PACS1: variants seen among roughly 807,000 people sequenced by gnomAD.
PACS1 encodes PACS-1.
In PACS1, 24 loss-of-function variants were observed where a neutral mutation model predicts 115.0. The observed-to-expected ratio is 0.21, with a 90% CI of 0.15 to 0.29. The LOEUF (loss-of-function observed/expected upper bound fraction) is 0.29, where lower values mean the gene tolerates loss of function less well. Among genes scored for constraint, PACS1 ranks in the 10% least tolerant of loss-of-function variants. PACS1 has a pLI of 1.00. For missense variants in PACS1, 838 were observed against 1,251.2 expected, an observed-to-expected ratio of 0.67 and a Z score of 4.98; for synonymous variants, 453 against 504.5, an observed-to-expected ratio of 0.90 and a Z score of 1.37.
chr11:66,220,451 C>T (rs1590828848), intron 8 of PACS1, 180 bp from the exon 9 acceptor site: 2 of 614,398 alleles, frequency 3.3e-6, no homozygotes, highest in East Asian at 2.8e-5. Flanking sequence ...GGTGGCCTCA[C>T]CATGTCCCCG....
chr11:66,210,296 A>G, intron 2 of PACS1, 66 bp from the exon 3 acceptor site: 1 of 1,298,866 alleles, frequency 7.7e-7, no homozygotes, highest in Non-Finnish European at 1.1e-6. Flanking sequence ...TCAGCCTCCC[A>G]AACTGCTGGG....
At chr11:66,151,412 T>A (rs932598281) in intron 1 of PACS1, among the ~76,000 whole-genome samples, 3 of 152,062 alleles carry the variant, frequency 2.0e-5, no homozygotes, top group Non-Finnish European at 4.4e-5. Context: ...AACACAAAAG[T>A]CACAGAGTGT....
In PACS1 at chr11:66,243,170, A is replaced by G. The variant is rs1855850402; in HGVS notation, c.2782A>G (p.Ile928Val). Reference sequence around the variant, plus strand: ...TCCTCTCCTGTCACCCCTAGTGTCCATCGATGGGGTCGAGTGGAGTGACAT... The same window carrying G: ...TCCTCTCCTGTCACCCCTAGTGTCCGTCGATGGGGTCGAGTGGAGTGACAT... ...KQQQTMLRVSIDGVEWSDIKF... is the reference protein window; with the variant it reads ...KQQQTMLRVSVDGVEWSDIKF... Residue 928 changes from isoleucine to valine, a missense_variant, in exon 24 of 24, where the codon ATC (isoleucine) becomes GTC (valine). By Grantham distance (29) the Ile-to-Val change is conservative (BLOSUM62 3). This residue lies in a region of PACS1 where 84 missense variants were observed against 187.1 expected (regional missense o/e 0.45). Coordinates refer to ENST00000320580, the MANE Select transcript of PACS1 (RefSeq NM_018026.4). The G allele has an allele frequency of 1.2e-6, 2 of 1,613,414 alleles. No individual in the cohort carries two copies. Among genetic ancestry groups the G allele is most frequent in the African/African-American group, 2.7e-5 (2 of 74,982 alleles).
Position 66,070,405 on chromosome 11 carries a change from C to A in PACS1, c.-82C>A, listed in dbSNP as rs865965699. On this transcript the variant is annotated 5_prime_UTR_variant, in exon 1 of 24. Transcript: ENST00000320580. This position sits in a 1 kb window ranked among gnomAD's most constrained non-coding sequence, Gnocchi z 5.9. ...CAGGCGGGCTGAGGAGGCTGCCGCG[C>A]CCCCGCCGCCGCCGCCGCGGGGGAA... 8 of 872,004 alleles carry A rather than the reference C, an allele frequency of 9.2e-6. No homozygotes were observed. The highest frequency in any genetic ancestry group is 7.9e-5 in the East Asian group (2 of 25,462). The allele number at this position is 872,004 out of a possible 1,614,324, so 54.0% of individuals were successfully genotyped here.
chr11:66,173,655 A>G (rs1227809183), intron 1 of PACS1, among the ~76,000 whole-genome samples: 1 of 152,094 alleles, frequency 6.6e-6, no homozygotes, highest in Non-Finnish European at 1.5e-5. Flanking sequence ...AGTTGTAGAG[A>G]GCCAAGATCA....
At chr11:66,123,206 T>TC (rs1858485549) in intron 1 of PACS1, among the ~76,000 whole-genome samples, 1 of 151,354 alleles carries the variant, frequency 6.6e-6, no homozygotes, top group Non-Finnish European at 1.5e-5. Flanking sequence ...TTTTTTTTTT[T>TC]AATGAGACGG....
At chr11:66,099,668 C>T (rs1857869617) in intron 1 of PACS1, among the ~76,000 whole-genome samples, 2 of 151,932 alleles carry the variant, frequency 1.3e-5, no homozygotes, top group African/African-American at 4.8e-5. Context: ...ACCTCAGCCT[C>T]CCGAGTAGCT....
At chr11:66,219,645 C>A in intron 7 of PACS1, 101 bp from the exon 8 acceptor site, 1 of 914,048 alleles carries the variant, frequency 1.1e-6, no homozygotes. Flanking sequence ...TTCGTGTCTT[C>A]CCACAGCTCG....
chr11:66,178,501 A>T (rs1216304433), intron 1 of PACS1, among the ~76,000 whole-genome samples: 1 of 152,198 alleles, frequency 6.6e-6, no homozygotes, highest in African/African-American at 2.4e-5. Context: ...TTTTCCAAAG[A>T]GCAGTGCTAA....
At chr11:66,108,998 T>G (rs1229381117) in intron 1 of PACS1, among the ~76,000 whole-genome samples, 1 of 152,098 alleles carries the variant, frequency 6.6e-6, no homozygotes, top group Non-Finnish European at 1.5e-5. Flanking sequence ...CTAAGAATTT[T>G]AGGATGACAC....
At chr11:66,162,578 C>G (rs763359794) in intron 1 of PACS1, among the ~76,000 whole-genome samples, 16 of 152,214 alleles carry the variant, frequency 1.1e-4, no homozygotes, top group Non-Finnish European at 2.1e-4. Flanking sequence ...GGGATGCTCC[C>G]TTAGAGCCTT....
At chr11:66,159,632 C>G (rs1467679673) in intron 1 of PACS1, among the ~76,000 whole-genome samples, 1 of 152,036 alleles carries the variant, frequency 6.6e-6, no homozygotes, top group Non-Finnish European at 1.5e-5. Context: ...GTGGTATTTG[C>G]TGATCTGGTA....
chr11:66,213,890 G>A (rs981325253), intron 4 of PACS1, among the ~76,000 whole-genome samples: 38 of 151,958 alleles, frequency 2.5e-4, no homozygotes, highest in Admixed American at 1.4e-3. Flanking sequence ...AAAATTAGCC[G>A]GGCATGGTGG....
chr11:66,140,373 T>C (rs968060302), intron 1 of PACS1, among the ~76,000 whole-genome samples: 2 of 152,142 alleles, frequency 1.3e-5, no homozygotes, highest in African/African-American at 2.4e-5. Flanking sequence ...GGATTTTACT[T>C]CAGCAGACAG....
chr11:66,235,217 A>G lies in PACS1; in HGVS notation c.2105-84A>G. ...CAACTCCTAGAGTCTGACGGGTCTC[A>G]GGAAGGGATCCCTCTCCGAGAGGGT... is the stretch of plus-strand genomic sequence containing the variant. On this transcript the variant is annotated intron_variant, in intron 17 of 23. Coordinates refer to ENST00000320580, the MANE Select transcript of PACS1 (RefSeq NM_018026.4). This position sits in a 1 kb window ranked among gnomAD's most constrained non-coding sequence, Gnocchi z 5.6. 6 of 964,772 alleles carry G rather than the reference A, an allele frequency of 6.2e-6. No homozygotes were observed. Among genetic ancestry groups the G allele is most frequent in the Admixed American group, 3.6e-5 (2 of 55,182 alleles). 59.8% of individuals were successfully genotyped at this position (964,772 alleles called of 1,614,324 possible). A position where few individuals can be genotyped will look rare whatever the true frequency, so the allele number is the denominator to read the frequency against.
intron 1 of PACS1, among the ~76,000 whole-genome samples, chr11:66,091,512 CT>C (rs532791730): frequency 0.034 from 4,957 of 144,092 alleles, 101 homozygotes; most frequent in South Asian, 0.078. Flanking sequence ...TGTTTTTTTT[CT>C]TTTTTTTTTC....
intron 1 of PACS1, among the ~76,000 whole-genome samples, chr11:66,125,993 T>C (rs796572906): frequency 6.7e-6 from 1 of 149,858 alleles, no homozygotes; most frequent in African/African-American, 2.5e-5. Context: ...TGAGCCGAGA[T>C]TGTACCATTG....
chr11:66,160,458 A>T (rs1023183774), intron 1 of PACS1, among the ~76,000 whole-genome samples: 2 of 152,142 alleles, frequency 1.3e-5, no homozygotes, highest in Non-Finnish European at 2.9e-5. Context: ...TTTCCTGATT[A>T]AAAAAATTAA....
chr11:66,120,932 C>T (rs1858423278), intron 1 of PACS1: 1 of 441,600 alleles, frequency 2.3e-6, no homozygotes, highest in African/African-American at 2.0e-5. Flanking sequence ...TGTGCTTCCA[C>T]AGGGCCTGTG....
Sources: allele counts gnomAD v4.1 joint callset (sites outside exome capture counted in the v4.1 genomes callset), GRCh38; gene constraint gnomAD v4.1.1; regional missense constraint gnomAD v4.1.1; non-coding constraint Gnocchi (gnomAD v3.1); transcripts MANE v1.5; gene names NCBI Gene and HGNC (gene_info 2026-07-23, HGNC 2026-07-21).